The following GULP1 variants were observed in gnomAD, a reference collection of about 807,000 sequenced individuals.
The protein encoded by GULP1 is GULP PTB domain containing engulfment adaptor 1.
A neutral mutation model predicts 40.9 loss-of-function variants in GULP1; 19 were observed. The ratio of observed to expected loss-of-function variants is 0.46; its 90% CI spans 0.32 to 0.68. The LOEUF (loss-of-function observed/expected upper bound fraction) is 0.68. Ranked by LOEUF, GULP1 falls within the 30% of genes least tolerant of loss-of-function variation. The probability of loss-of-function intolerance (pLI) is 0.03; values close to 1 mark genes in which losing one functional copy is unlikely to be tolerated. For missense variants in GULP1, 312 were observed against 362.2 expected (o/e 0.86, Z 1.12); for synonymous variants, 119 against 117.6 (o/e 1.01, Z -0.08).
chr2:188,525,555 T>C (rs2153229760), intron 5 of GULP1, among the ~76,000 whole-genome samples: 1 of 152,296 alleles, frequency 6.6e-6, no homozygotes, highest in East Asian at 1.9e-4. Context: ...AGTACAGATG[T>C]TGGGGGCTGA....
intron 1 of GULP1, among the ~76,000 whole-genome samples, chr2:188,302,793 C>G (rs1015759758): frequency 6.6e-6 from 1 of 152,152 alleles, no homozygotes; most frequent in South Asian, 2.1e-4. Flanking sequence ...TATTTGACCA[C>G]TCTATATCTA....
At chr2:188,298,777 T>G (rs1459985826) in intron 1 of GULP1, among the ~76,000 whole-genome samples, 1 of 152,178 alleles carries the variant, frequency 6.6e-6, no homozygotes, top group Non-Finnish European at 1.5e-5. Context: ...AAAATAAAAT[T>G]TTCTAGAGTA....
intron 1 of GULP1, among the ~76,000 whole-genome samples, chr2:188,343,424 A>C (rs563528813): frequency 6.6e-6 from 1 of 152,348 alleles, no homozygotes; most frequent in African/African-American, 2.4e-5. Context: ...ATGTTAACTG[A>C]ACAATAAAAG....
intron 1 of GULP1, among the ~76,000 whole-genome samples, chr2:188,380,864 G>A (rs949269142): frequency 1.3e-5 from 2 of 152,072 alleles, no homozygotes; most frequent in Non-Finnish European, 2.9e-5. Flanking sequence ...TTAACAAATT[G>A]AAGCATTTTG....
In GULP1 at chr2:188,594,001, G is replaced by C; in HGVS notation, c.905G>C (p.Ser302Thr). Residue 302 changes from serine (S) to threonine (T), a missense_variant, in exon 12 of 12, where the codon AGT becomes ACT. Physicochemically the swap from Ser to Thr is moderately conservative, Grantham distance 58. Coordinates refer to ENST00000409830, the MANE Select transcript of GULP1 (RefSeq NM_016315.4). ...GTVFCLDPLD[S>T]RC is the part of the protein sequence containing the mutation. The stretch of plus-strand genomic sequence containing the variant: ...GTATTTTGTCTCGACCCGTTAGACA[G>C]TAGGTGCTGACATCAAGAACAAGAA... 6.3e-7 allele frequency: 1 copy of C among 1,582,060 alleles called. No homozygotes were observed. Among genetic ancestry groups the C allele is most frequent in the South Asian group, 1.1e-5 (1 of 90,122 alleles).
chr2:188,363,101 T>G (rs1292965051), intron 1 of GULP1, among the ~76,000 whole-genome samples: 1 of 152,160 alleles, frequency 6.6e-6, no homozygotes, highest in Non-Finnish European at 1.5e-5. Flanking sequence ...TTAATCTTTA[T>G]TATCTTTTAA....
intron 4 of GULP1, among the ~76,000 whole-genome samples, chr2:188,492,221 A>G (rs2062461666): frequency 1.3e-5 from 2 of 152,080 alleles, no homozygotes; most frequent in African/African-American, 2.4e-5. Context: ...AACTGTTTAC[A>G]TTATTAGGTC....
chr2:188,388,031 TC>T (rs1261240299), intron 2 of GULP1, among the ~76,000 whole-genome samples: 1 of 59,190 alleles, frequency 1.7e-5, no homozygotes, highest in East Asian at 4.9e-4. Flanking sequence ...CCCTCCCGCC[TC>T]CCCCCACCCC....
intron 6 of GULP1, among the ~76,000 whole-genome samples, chr2:188,532,278 T>G (rs1687747703): frequency 6.6e-6 from 1 of 152,210 alleles, no homozygotes; most frequent in South Asian, 2.1e-4. Context: ...CGTTTAAATA[T>G]TTACAAAATA....
intron 1 of GULP1, among the ~76,000 whole-genome samples, chr2:188,340,084 G>C (rs1230525573): frequency 6.6e-6 from 1 of 152,204 alleles, no homozygotes; most frequent in Non-Finnish European, 1.5e-5. Flanking sequence ...GAATCTAAGA[G>C]AGGGGATGGA....
At chr2:188,311,412 G>T (rs2038082185) in intron 1 of GULP1, among the ~76,000 whole-genome samples, 1 of 152,102 alleles carries the variant, frequency 6.6e-6, no homozygotes, top group Admixed American at 6.5e-5. Flanking sequence ...GGTCAGGATG[G>T]TCTGTATGTC....
At chr2:188,375,920 AC>A (rs2152467415) in intron 1 of GULP1, among the ~76,000 whole-genome samples, 1 of 152,206 alleles carries the variant, frequency 6.6e-6, no homozygotes, top group South Asian at 2.1e-4. Context: ...ACCAGCAGAT[AC>A]CAAAATCTGT....
intron 9 of GULP1, among the ~76,000 whole-genome samples, chr2:188,577,275 C>A (rs978458896): frequency 1.3e-5 from 2 of 152,058 alleles, no homozygotes; most frequent in Non-Finnish European, 2.9e-5. Flanking sequence ...ACAATTATAA[C>A]CTAAAACGTA....
chr2:188,498,012 A>G (rs1326279006), intron 4 of GULP1, among the ~76,000 whole-genome samples: 1 of 151,928 alleles, frequency 6.6e-6, no homozygotes, highest in Non-Finnish European at 1.5e-5. Flanking sequence ...AGAGATATCC[A>G]TATAGCTGGC....
chr2:188,318,990 A>C (rs1020020422), intron 1 of GULP1, among the ~76,000 whole-genome samples: 3 of 152,108 alleles, frequency 2.0e-5, no homozygotes, highest in African/African-American at 7.2e-5. Context: ...CCTGCATCGA[A>C]TACATTATTT....
chr2:188,550,809 T>TA lies in GULP1; in HGVS notation c.399+9492dup, dbSNP rs553236779. 4.0e-3 allele frequency among the ~76,000 whole-genome samples: 606 copies of TA among 151,672 alleles called. 10 individuals are homozygous for TA. The highest frequency in any genetic ancestry group is 0.012 in the African/African-American group (481 of 41,466). ...CAAAATAAAAAATTAATGTTTTTTT[T>TA]ATTTCATTACATGATTGAGGGAGAG... On this transcript the variant is annotated intron_variant, in intron 7 of 11. Coordinates refer to ENST00000409830, the MANE Select transcript of GULP1 (RefSeq NM_016315.4).
At chr2:188,533,774 A>G (rs569973732) in intron 6 of GULP1, among the ~76,000 whole-genome samples, 1 of 152,326 alleles carries the variant, frequency 6.6e-6, no homozygotes, top group East Asian at 1.9e-4. Flanking sequence ...AACTTAAACA[A>G]TTGAACAAGC....
chr2:188,515,706 G>GCC (rs71399282), intron 4 of GULP1, among the ~76,000 whole-genome samples: 1 of 145,346 alleles, frequency 6.9e-6, no homozygotes, highest in Non-Finnish European at 1.5e-5. Context: ...TACACACACA[G>GCC]ACACACACAC....
intron 9 of GULP1, among the ~76,000 whole-genome samples, chr2:188,583,297 C>T (rs1311864231): frequency 6.6e-6 from 1 of 152,114 alleles, no homozygotes; most frequent in African/African-American, 2.4e-5. Context: ...ATTTTTTCAT[C>T]ACCTGCACTA....
Sources: gnomAD v4.1 joint callset for allele counts (sites outside exome capture counted in the v4.1 genomes callset) on GRCh38, gnomAD v4.1.1 for gene constraint, MANE v1.5 for transcripts, NCBI Gene and HGNC (gene_info 2026-07-23, HGNC 2026-07-21) for gene names.